The following GLRB variants were observed in gnomAD, a reference collection of about 807,000 sequenced individuals.
GLRB encodes the protein glycine receptor beta.
In GLRB, 33 loss-of-function variants were observed where a neutral mutation model predicts 54.2. The observed-to-expected ratio is 0.61, with a 90% CI of 0.46 to 0.81. The LOEUF is 0.81. Among genes scored for constraint, GLRB ranks in the 40% least tolerant of loss-of-function variants. GLRB has a pLI of 0.00. For synonymous variants in GLRB, 209 were observed against 208.2 expected (o/e 1.00, Z -0.03); for missense variants, 572 against 584.6 (o/e 0.98, Z 0.22).
chr4:157,163,280 T>C (rs1346523744), intron 9 of GLRB, among the ~76,000 whole-genome samples: 2 of 152,108 alleles, frequency 1.3e-5, no homozygotes, highest in Non-Finnish European at 2.9e-5. Flanking sequence ...CCCCTTGCAC[T>C]TCCCTGTGAG....
chr4:157,133,022 T>C (rs1401828876), intron 4 of GLRB, among the ~76,000 whole-genome samples: 1 of 151,930 alleles, frequency 6.6e-6, no homozygotes, highest in Non-Finnish European at 1.5e-5. Flanking sequence ...AAATGCCTTC[T>C]AAAAGCTTTT....
chr4:157,078,008 A>G lies in GLRB; in HGVS notation c.-17A>G, dbSNP rs751914681. ...TTCTCTCTTGTAGATCGATCTTCTG[A>G]AATTCAAGTTTTCAAGATGAAGTTT... On this transcript the variant is annotated 5_prime_UTR_variant, in exon 2 of 10. Coordinates refer to ENST00000264428, the MANE Select transcript of GLRB (RefSeq NM_000824.5). 5 of 1,601,774 alleles carry G rather than the reference A, an allele frequency of 3.1e-6. No individual in the cohort carries two copies. Among genetic ancestry groups the G allele is most frequent in the Admixed American group, 1.7e-5 (1 of 59,798 alleles).
intron 1 of GLRB, among the ~76,000 whole-genome samples, chr4:157,076,834 G>A (rs560595100): frequency 5.3e-5 from 8 of 151,990 alleles, no homozygotes; most frequent in African/African-American, 1.9e-4. Context: ...ATGTTGTGAA[G>A]TTGCCAGAGG....
intron 7 of GLRB, among the ~76,000 whole-genome samples, chr4:157,143,596 A>G (rs1160991021): frequency 6.6e-6 from 1 of 152,192 alleles, no homozygotes; most frequent in African/African-American, 2.4e-5. Context: ...GTCATAATGA[A>G]GTTGCGAAAG....
intron 4 of GLRB, among the ~76,000 whole-genome samples, chr4:157,125,061 T>G (rs1395716539): frequency 2.0e-5 from 3 of 151,870 alleles, no homozygotes; most frequent in African/African-American, 4.8e-5. Flanking sequence ...CATTAAAATA[T>G]CTTTCAAAAG....
chr4:157,140,925 G>A (rs1463765471), intron 7 of GLRB, among the ~76,000 whole-genome samples: 1 of 151,640 alleles, frequency 6.6e-6, no homozygotes, highest in East Asian at 1.9e-4. Flanking sequence ...AGCTTTGAAA[G>A]TCCTAGGAGT....
At chr4:157,139,078 A>G (rs886608904) in intron 7 of GLRB, 129 bp downstream of exon 7, 1 of 592,264 alleles carries the variant, frequency 1.7e-6, no homozygotes, top group Non-Finnish European at 3.1e-6. Flanking sequence ...GTTTATCTTT[A>G]CATTCATATG....
chr4:157,103,251 T>C (rs1433644524), intron 2 of GLRB, among the ~76,000 whole-genome samples: 1 of 151,846 alleles, frequency 6.6e-6, no homozygotes, highest in Non-Finnish European at 1.5e-5. Flanking sequence ...AACCAGTCCA[T>C]GGCCAGTGGT....
At chr4:157,137,875 T>C (rs538171719) in intron 6 of GLRB, among the ~76,000 whole-genome samples, 14 of 152,326 alleles carry the variant, frequency 9.2e-5, no homozygotes, top group Admixed American at 8.5e-4. Flanking sequence ...CTTTCAAAAA[T>C]ACATACACTT....
intron 9 of GLRB, among the ~76,000 whole-genome samples, chr4:157,164,910 A>G (rs1010697421): frequency 5.3e-5 from 8 of 152,196 alleles, no homozygotes; most frequent in African/African-American, 1.9e-4. Flanking sequence ...AATAAATAAA[A>G]GTTAAACACA....
At chr4:157,136,730 A>G (rs766176893) in intron 5 of GLRB, 32 bp downstream of exon 5, 6 of 1,521,916 alleles carry the variant, frequency 3.9e-6, no homozygotes. Flanking sequence ...TTGTGCATTT[A>G]TATTTTCCTT....
chr4:157,144,151 AG>A (rs1340043480), intron 8 of GLRB, among the ~76,000 whole-genome samples, 192 bp downstream of exon 8: 2 of 152,186 alleles, frequency 1.3e-5, no homozygotes, highest in Non-Finnish European at 2.9e-5. Context: ...AATTAAGCTA[AG>A]TTTCTCTTTT....
intron 2 of GLRB, 77 bp downstream of exon 2, chr4:157,078,223 G>A: frequency 3.8e-6 from 6 of 1,593,234 alleles, no homozygotes; most frequent in Non-Finnish European, 5.1e-6. Context: ...GGTTTATGAA[G>A]ACACACATCA....
chr4:157,136,410 A>C (rs1736399853), intron 4 of GLRB, 59 bp from the exon 5 acceptor site: 4 of 1,010,472 alleles, frequency 4.0e-6, no homozygotes, highest in Non-Finnish European at 6.3e-6. Context: ...TTGGGGCCGA[A>C]TAAGTTCTTA....
rs549298754 is a variant in GLRB at position 157,085,130 on chromosome 4, A to G, written c.122+6984A>G. On this transcript the variant is annotated intron_variant, in intron 2 of 9. Transcript: ENST00000264428. ...TTTCCAAAAGGAAATCAGCATCCTT[A>G]TTATTCCAGTTACCTAGGCATGAGC... 5.9e-5 allele frequency among the ~76,000 whole-genome samples: 9 copies of G among 152,332 alleles called. No homozygotes were observed. The South Asian group carries it at 1.9e-3, about 32-fold the overall frequency.
intron 8 of GLRB, among the ~76,000 whole-genome samples, chr4:157,150,493 C>T (rs1211522833): frequency 6.6e-6 from 1 of 152,026 alleles, no homozygotes; most frequent in Non-Finnish European, 1.5e-5. Context: ...TCTGTTTCTT[C>T]AATCAGTCCC....
chr4:157,128,068 T>C (rs1326629601), intron 4 of GLRB, among the ~76,000 whole-genome samples: 1 of 151,906 alleles, frequency 6.6e-6, no homozygotes, highest in Non-Finnish European at 1.5e-5. Context: ...TATCTGATTA[T>C]AACATAACTT....
In GLRB at chr4:157,170,620, G is replaced by A. The variant is rs771819827; in HGVS notation, c.1386G>A (p.Ala462=). ...AGAACAACAAGAAGCCTCCCCCTGC[G>A]AAACCTGTTATTCCAACAGCAGCAA... ...QAKNNKKPPP[A]KPVIPTAAKR... The change falls in exon 10 of 10, where the codon GCG becomes GCA. Residue 462 remains alanine, a synonymous_variant. Coordinates refer to ENST00000264428, the MANE Select transcript of GLRB (RefSeq NM_000824.5). The A allele has an allele frequency of 1.2e-5, 19 of 1,612,624 alleles. No homozygotes were observed. The highest frequency in any genetic ancestry group is 8.4e-5 in the Admixed American group (5 of 59,870).
At chr4:157,127,424 T>C (rs1355870145) in intron 4 of GLRB, among the ~76,000 whole-genome samples, 1 of 151,852 alleles carries the variant, frequency 6.6e-6, no homozygotes, top group Non-Finnish European at 1.5e-5. Flanking sequence ...GGCTGAATAA[T>C]GGCCCCCTAA....
Sources: gnomAD v4.1 joint callset for allele counts (sites outside exome capture counted in the v4.1 genomes callset) on GRCh38, gnomAD v4.1.1 for gene constraint, MANE v1.5 for transcripts, NCBI Gene and HGNC (gene_info 2026-07-23, HGNC 2026-07-21) for gene names.